RNF216: variants seen among roughly 807,000 people sequenced by gnomAD.
The protein encoded by RNF216 is ring finger protein 216.
RNF216 carries 72 observed loss-of-function variants against 110.8 expected under a neutral mutation model. The observed-to-expected ratio is 0.65, with a 90% CI of 0.54 to 0.79. The LOEUF is 0.79. RNF216 is among the 30% of genes least tolerant of loss of function. The pLI is 0.00. For missense variants in RNF216, 1,342 were observed against 1,141.2 expected (o/e 1.18, Z -2.54); for synonymous variants, 495 against 407.5 (o/e 1.21, Z -2.59).
rs1584366932 is a variant in RNF216 at position 5,644,880 on chromosome 7, A to AGTG, written c.2160-3507_2160-3505dup. ...TGCTCTGTTGCCCAGGCTGGAGTGC[A>AGTG]GTGGTGTGATCTTGGCTCACTGCAA... is the stretch of plus-strand genomic sequence containing the variant. On this transcript the variant is annotated intron_variant, in intron 14 of 16. Coordinates refer to ENST00000389902, the MANE Select transcript of RNF216 (RefSeq NM_207111.4). 4.2e-5 allele frequency among the ~76,000 whole-genome samples: 6 copies of AGTG among 141,954 alleles called. No individual in the cohort carries two copies. In the East Asian group the frequency reaches 1.2e-3, roughly 29 times the overall value. 93.1% of individuals were successfully genotyped at this position (141,954 alleles called of 152,430 possible). A position where few individuals can be genotyped will look rare whatever the true frequency, so the allele number is the denominator to read the frequency against.
chr7:5,729,381 G>C (rs766626232), intron 7 of RNF216, 51 bp downstream of exon 7: 1 of 1,565,002 alleles, frequency 6.4e-7, no homozygotes, highest in Non-Finnish European at 8.8e-7. Flanking sequence ...TGTTACCATG[G>C]GAAGATGTAG....
intron 13 of RNF216, among the ~76,000 whole-genome samples, chr7:5,669,542 G>A (rs973106190): frequency 2.0e-5 from 3 of 152,164 alleles, no homozygotes; most frequent in Non-Finnish European, 2.9e-5. Flanking sequence ...GTCTGTTCAT[G>A]CTTCTAAATC....
intron 5 of RNF216, 101 bp downstream of exon 5, chr7:5,739,175 C>T: frequency 2.3e-6 from 3 of 1,327,174 alleles, no homozygotes; most frequent in Non-Finnish European, 3.0e-6. Context: ...CTTAACAACA[C>T]CAAATTGTAT....
At chr7:5,640,127 G>C (rs1415058782) in intron 15 of RNF216, among the ~76,000 whole-genome samples, 1 of 150,204 alleles carries the variant, frequency 6.7e-6, no homozygotes, top group South Asian at 2.1e-4. Flanking sequence ...TGAACTCCTC[G>C]GCTCCAGCGA....
chr7:5,654,140 A>C lies in RNF216; in HGVS notation c.2062-1630T>G, dbSNP rs184654980. Among the ~76,000 whole-genome samples the C allele has an allele frequency of 3.0e-4, 45 of 152,332 alleles. No individual in the cohort carries two copies. In the East Asian group the frequency reaches 7.3e-3, roughly 25 times the overall value. ...AGAAGCTAGTAAAGCCACTCAGGAGAGAGGCCATGAAGGCCCAGACAAGGG... is the reference window on the plus strand; with the variant it reads ...AGAAGCTAGTAAAGCCACTCAGGAGCGAGGCCATGAAGGCCCAGACAAGGG... On this transcript the variant is annotated intron_variant, in intron 13 of 16. Coordinates refer to ENST00000389902, the MANE Select transcript of RNF216 (RefSeq NM_207111.4).
At chr7:5,726,355 G>A (rs752910) in intron 7 of RNF216, among the ~76,000 whole-genome samples, 2 of 152,172 alleles carry the variant, frequency 1.3e-5, no homozygotes, top group Non-Finnish European at 2.9e-5. Context: ...GTCCCATTCT[G>A]TAGGCAAATC....
intron 15 of RNF216, among the ~76,000 whole-genome samples, chr7:5,631,349 G>A (rs1338548119): frequency 1.3e-5 from 2 of 152,176 alleles, no homozygotes; most frequent in Non-Finnish European, 2.9e-5. Context: ...CAGAGTGGGA[G>A]TGGGGAGCTT....
At chr7:5,759,732 A>G (rs1795835051) in intron 2 of RNF216, among the ~76,000 whole-genome samples, 1 of 150,558 alleles carries the variant, frequency 6.6e-6, no homozygotes, top group Admixed American at 6.7e-5. Context: ...CCCAGGTTCA[A>G]GTGATTCTCC....
At chr7:5,760,646 C>A in intron 2 of RNF216, 1 of 321,032 alleles carries the variant, frequency 3.1e-6, no homozygotes, top group Non-Finnish European at 5.9e-6. Flanking sequence ...AAGACTGGTT[C>A]AGCAACACCT....
At chr7:5,656,655 TATG>T (rs1279125048) in intron 13 of RNF216, among the ~76,000 whole-genome samples, 1 of 152,246 alleles carries the variant, frequency 6.6e-6, no homozygotes, top group Non-Finnish European at 1.5e-5. Context: ...TGGTTAAGTT[TATG>T]ATGCCCTTTT....
chr7:5,679,232 T>C (rs903706069), intron 13 of RNF216, among the ~76,000 whole-genome samples: 4 of 152,118 alleles, frequency 2.6e-5, no homozygotes, highest in Admixed American at 6.5e-5. Context: ...TGCACACAGC[T>C]AACAAGTGGT....
intron 13 of RNF216, among the ~76,000 whole-genome samples, chr7:5,677,819 T>C (rs992744903): frequency 4.6e-5 from 7 of 152,130 alleles, no homozygotes; most frequent in African/African-American, 1.4e-4. Context: ...AGTAACTAAA[T>C]CAGAATCCAG....
At chr7:5,765,056 G>A (rs1370703224) in intron 1 of RNF216, among the ~76,000 whole-genome samples, 94 of 140,438 alleles carry the variant, frequency 6.7e-4, no homozygotes, top group African/African-American at 2.4e-3. Flanking sequence ...AGGAAACAAA[G>A]CAAGACTCTC....
At chr7:5,742,417 G>T (rs1264360445) in intron 3 of RNF216, among the ~76,000 whole-genome samples, 1 of 151,934 alleles carries the variant, frequency 6.6e-6, no homozygotes, top group Non-Finnish European at 1.5e-5. Flanking sequence ...ATGAAAGAAT[G>T]CTAACACATC....
rs528470563 is a variant in RNF216 at position 5,752,810 on chromosome 7, C to T, written c.201+36G>A. On this transcript the variant is annotated intron_variant, in intron 3 of 16. Coordinates refer to ENST00000389902, the MANE Select transcript of RNF216 (RefSeq NM_207111.4). The stretch of plus-strand genomic sequence containing the variant: ...GCTGAAAAATCAGATCACCAACTTG[C>T]AATAATGTCTCATTGTAAGTTTAAA... 4 of 1,601,770 alleles carry T rather than the reference C, an allele frequency of 2.5e-6. No homozygotes were observed. In the Admixed American group the frequency reaches 6.9e-5, roughly 28 times the overall value.
At chr7:5,708,115 T>C (rs1436174547) in intron 13 of RNF216, among the ~76,000 whole-genome samples, 1 of 152,246 alleles carries the variant, frequency 6.6e-6, no homozygotes, top group Non-Finnish European at 1.5e-5. Flanking sequence ...ATACTTGGTA[T>C]GATTTTGATC....
chr7:5,653,319 G>A (rs529361553), intron 13 of RNF216, among the ~76,000 whole-genome samples: 256 of 152,130 alleles, frequency 1.7e-3, no homozygotes, highest in African/African-American at 4.6e-3. Context: ...AGCCAGGCGC[G>A]GTGGCTCACA....
chr7:5,723,577 G>A (rs750160675), intron 8 of RNF216, among the ~76,000 whole-genome samples: 2 of 151,930 alleles, frequency 1.3e-5, no homozygotes, highest in Non-Finnish European at 2.9e-5. Flanking sequence ...AACCCAGGAG[G>A]CGGAGTTTGC....
At chr7:5,729,723 C>G (rs1399127783) in intron 6 of RNF216, 127 bp from the exon 7 acceptor site, 9 of 822,342 alleles carry the variant, frequency 1.1e-5, no homozygotes, top group Non-Finnish European at 1.3e-5. Flanking sequence ...AAGGAAGTTA[C>G]CAGCCCTATA....
Sources: allele counts gnomAD v4.1 joint callset (sites outside exome capture counted in the v4.1 genomes callset), GRCh38; gene constraint gnomAD v4.1.1; transcripts MANE v1.5; gene names NCBI Gene and HGNC (gene_info 2026-07-23, HGNC 2026-07-21).